Variants in FAM13A observed in about 807,000 individuals in gnomAD.
FAM13A encodes protein FAM13A.
A neutral mutation model predicts 129.6 loss-of-function variants in FAM13A; 76 were observed. The observed-to-expected ratio is 0.59, with a 90% CI of 0.49 to 0.71. The LOEUF is 0.71. FAM13A is among the 30% of genes least tolerant of loss of function. FAM13A has a pLI of 0.00. For synonymous variants in FAM13A, 443 were observed against 449.9 expected (o/e 0.98, Z 0.20); for missense variants, 1,108 against 1,249.3 (o/e 0.89, Z 1.70).
intron 8 of FAM13A, among the ~76,000 whole-genome samples, chr4:88,798,819 T>G (rs1726796157): frequency 6.6e-6 from 1 of 152,114 alleles, no homozygotes; most frequent in Non-Finnish European, 1.5e-5. Context: ...TTTATTAAAA[T>G]CTGAAGTTCT....
chr4:88,743,568 G>A (rs1042970083), intron 19 of FAM13A, among the ~76,000 whole-genome samples: 3 of 152,150 alleles, frequency 2.0e-5, no homozygotes, highest in Admixed American at 6.6e-5. Context: ...TGAACTTCCA[G>A]TTGTTTTCTT....
intron 7 of FAM13A, among the ~76,000 whole-genome samples, chr4:88,849,894 T>C (rs948922723): frequency 1.3e-5 from 2 of 152,212 alleles, no homozygotes; most frequent in Admixed American, 1.3e-4. Context: ...AATTCCAGTT[T>C]ACAATTTCCA....
chr4:88,770,658 A>G (rs1344276298), intron 11 of FAM13A, among the ~76,000 whole-genome samples: 1 of 152,198 alleles, frequency 6.6e-6, no homozygotes. Context: ...GAGATATTTC[A>G]TTTAGAAGAT....
chr4:88,820,403 A>T (rs952064217), intron 7 of FAM13A, among the ~76,000 whole-genome samples: 1 of 152,202 alleles, frequency 6.6e-6, no homozygotes, highest in Non-Finnish European at 1.5e-5. Flanking sequence ...GCTGTGTCTT[A>T]ATTACCTTAG....
At chr4:88,839,045 A>G (rs942975482) in intron 7 of FAM13A, among the ~76,000 whole-genome samples, 16 of 152,180 alleles carry the variant, frequency 1.1e-4, no homozygotes, top group African/African-American at 3.9e-4. Context: ...ATATAATGCA[A>G]ATACTCTTAT....
intron 6 of FAM13A, among the ~76,000 whole-genome samples, chr4:88,902,082 C>G (rs1240758531): frequency 4.6e-5 from 7 of 151,976 alleles, no homozygotes; most frequent in Non-Finnish European, 1.5e-5. Flanking sequence ...CTGAATAGAC[C>G]AATAATGAGT....
intron 5 of FAM13A, among the ~76,000 whole-genome samples, chr4:88,932,728 G>T (rs1753241684): frequency 6.6e-6 from 1 of 152,024 alleles, no homozygotes. Context: ...TTTTTGACCG[G>T]AAAGTCAAAT....
At chr4:88,808,826 C>T (rs1415290901) in intron 7 of FAM13A, among the ~76,000 whole-genome samples, 6 of 152,004 alleles carry the variant, frequency 3.9e-5, no homozygotes, top group Admixed American at 3.9e-4. Flanking sequence ...GCAATCACCT[C>T]ATTTATGTGA....
At position 88,850,798 on chromosome 4, in the gene FAM13A, T is replaced by C. The variant is rs182698325; in HGVS notation, c.1007+222A>G. ...CCTAACATAACTTCTGTTGATTAAATCACTTGTTTTAATCTGGAAAACAAA... is the reference window on the plus strand; with the variant it reads ...CCTAACATAACTTCTGTTGATTAAACCACTTGTTTTAATCTGGAAAACAAA... On this transcript the variant is annotated intron_variant, in intron 7 of 23. Coordinates refer to ENST00000264344, the MANE Select transcript of FAM13A (RefSeq NM_014883.4). Among the ~76,000 whole-genome samples the C allele has an allele frequency of 5.9e-5, 9 of 152,326 alleles. No individual in the cohort carries two copies. In the East Asian group the frequency reaches 1.5e-3, roughly 26 times the overall value.
At chr4:88,904,788 GA>G (rs1747870001) in intron 6 of FAM13A, among the ~76,000 whole-genome samples, 1 of 152,020 alleles carries the variant, frequency 6.6e-6, no homozygotes, top group South Asian at 2.1e-4. Flanking sequence ...AAGTTGAAGA[GA>G]AAAAAGAAAT....
At chr4:88,804,624 G>A (rs1312229134) in intron 8 of FAM13A, among the ~76,000 whole-genome samples, 1 of 152,134 alleles carries the variant, frequency 6.6e-6, no homozygotes, top group Non-Finnish European at 1.5e-5. Flanking sequence ...AGAAAATGAT[G>A]TAACACAACC....
chr4:88,860,486 T>A (rs1578997673), intron 6 of FAM13A, among the ~76,000 whole-genome samples: 1 of 152,322 alleles, frequency 6.6e-6, no homozygotes, highest in South Asian at 2.1e-4. Context: ...CTATGATATA[T>A]CCACAAGTGA....
Position 88,938,069 on chromosome 4 carries a change from TA to T in FAM13A, c.759+18del, listed in dbSNP as rs767737337. Reference sequence around the variant, plus strand: ...CCAAAATTATAGCAATACTGAAAATTAAAAACCAAGTTGCTTACTTTTACTA... The same window carrying T: ...CCAAAATTATAGCAATACTGAAAATTAAAACCAAGTTGCTTACTTTTACTA... On this transcript the variant is annotated intron_variant, in intron 5 of 23. Transcript: ENST00000264344. The T allele has an allele frequency of 1.2e-6, 2 of 1,604,910 alleles. No individual in the cohort carries two copies. Among genetic ancestry groups the T allele is most frequent in the Non-Finnish European group, 1.7e-6 (2 of 1,173,000 alleles).
intron 6 of FAM13A, among the ~76,000 whole-genome samples, chr4:88,852,520 T>C (rs748221991): frequency 1.1e-4 from 17 of 152,138 alleles, no homozygotes; most frequent in African/African-American, 2.2e-4. Flanking sequence ...CACTACCACA[T>C]AGTCTACCCT....
chr4:88,886,863 T>C (rs909913207), intron 6 of FAM13A, among the ~76,000 whole-genome samples: 4 of 149,986 alleles, frequency 2.7e-5, no homozygotes, highest in Non-Finnish European at 4.4e-5. Flanking sequence ...GCTGAGATCA[T>C]GCCATTGCAC....
chr4:88,891,267 A>T (rs2704570), intron 6 of FAM13A, among the ~76,000 whole-genome samples: 110,590 of 151,558 alleles, frequency 0.73, 40,630 homozygotes, highest in Non-Finnish European at 0.78. Flanking sequence ...CTACAAAAAA[A>T]ACAAAAATTA....
At chr4:88,878,212 C>T (rs1036873232) in intron 6 of FAM13A, among the ~76,000 whole-genome samples, 3 of 137,248 alleles carry the variant, frequency 2.2e-5, no homozygotes, top group Admixed American at 8.3e-5. Flanking sequence ...GGTGTGAACC[C>T]GGGAGGCGGA....
intron 4 of FAM13A, among the ~76,000 whole-genome samples, chr4:88,951,253 C>T (rs187816950): frequency 3.9e-5 from 6 of 152,112 alleles, no homozygotes; most frequent in Non-Finnish European, 7.4e-5. Context: ...TGGGATGGGG[C>T]GAGTGGCAGA....
At position 88,730,960 on chromosome 4, in the gene FAM13A, G is replaced by A. The variant is rs140924484; in HGVS notation, c.2945+367C>T. Among the ~76,000 whole-genome samples the A allele has an allele frequency of 4.5e-3, 678 of 152,214 alleles. 10 individuals carry two copies. Among genetic ancestry groups the A allele is most frequent in the African/African-American group, 0.015 (641 of 41,534 alleles). On this transcript the variant is annotated intron_variant, in intron 23 of 23. Coordinates refer to ENST00000264344, the MANE Select transcript of FAM13A (RefSeq NM_014883.4). ...GAGCTACAGGTGTGCCACTACGGCC[G>A]CTTGGCTAACCTCTAGCTTCTTAAG...
Sources: allele counts gnomAD v4.1 joint callset (sites outside exome capture counted in the v4.1 genomes callset), GRCh38; gene constraint gnomAD v4.1.1; transcripts MANE v1.5; gene names NCBI Gene and HGNC (gene_info 2026-07-23, HGNC 2026-07-21).